The following MAPK10 variants were observed in gnomAD, a reference collection of about 807,000 sequenced individuals.
MAPK10 encodes mitogen-activated protein kinase 10.
MAPK10 carries 25 observed loss-of-function variants against 59.3 expected under a neutral mutation model. The observed-to-expected ratio is 0.42, with a 90% CI of 0.31 to 0.59. The LOEUF is 0.59. Among genes scored for constraint, MAPK10 ranks in the 20% least tolerant of loss-of-function variants. MAPK10 has a pLI of 0.15. For missense variants in MAPK10, 351 were observed against 568.9 expected (o/e 0.62, Z 3.90); for synonymous variants, 190 against 200.5 (o/e 0.95, Z 0.44).
intron 2 of MAPK10, among the ~76,000 whole-genome samples, chr4:86,248,698 C>T (rs891765892): frequency 3.3e-5 from 5 of 152,300 alleles, no homozygotes; most frequent in South Asian, 2.1e-4. Context: ...TCGGGATATA[C>T]GATCTCCTTC....
intron 1 of MAPK10, among the ~76,000 whole-genome samples, chr4:86,392,924 T>C (rs1048240146): frequency 3.3e-5 from 5 of 152,360 alleles, no homozygotes; most frequent in Middle Eastern, 3.4e-3. Context: ...GTTTGCTCTA[T>C]GATAAGCTGC....
intron 2 of MAPK10, among the ~76,000 whole-genome samples, chr4:86,329,245 A>C (rs1269511069): frequency 1.3e-5 from 2 of 152,260 alleles, no homozygotes; most frequent in Admixed American, 6.5e-5. Context: ...GACAAACATC[A>C]ATATTTATTT....
intron 1 of MAPK10, chr4:86,357,954 T>A (rs1268682487): frequency 8.5e-6 from 3 of 354,572 alleles, no homozygotes; most frequent in African/African-American, 6.7e-5. Flanking sequence ...ACCACCTTTG[T>A]CATCTGATTT....
intron 2 of MAPK10, among the ~76,000 whole-genome samples, chr4:86,201,528 G>A (rs2082619934): frequency 6.6e-6 from 1 of 151,798 alleles, no homozygotes. Flanking sequence ...GTGGACTGTG[G>A]ATGGAGAGAA....
At chr4:86,539,969 T>C (rs1297883784) in intron 1 of MAPK10, among the ~76,000 whole-genome samples, 1 of 152,204 alleles carries the variant, frequency 6.6e-6, no homozygotes, top group Non-Finnish European at 1.5e-5. Flanking sequence ...ATCTTGGTAG[T>C]AGAAAACATA....
chr4:86,074,824 A>G (rs1418730875), intron 9 of MAPK10, among the ~76,000 whole-genome samples: 6 of 117,814 alleles, frequency 5.1e-5, no homozygotes, highest in African/African-American at 7.3e-5. Flanking sequence ...GCTGCCCTTA[A>G]CATTTTTTCC....
At chr4:86,464,548 G>A (rs1374560761) in intron 1 of MAPK10, among the ~76,000 whole-genome samples, 1 of 151,940 alleles carries the variant, frequency 6.6e-6, no homozygotes, top group Non-Finnish European at 1.5e-5. Flanking sequence ...TTTGCTGGGT[G>A]CAGTGGCTCA....
At chr4:86,209,536 G>A (rs961081041) in intron 2 of MAPK10, among the ~76,000 whole-genome samples, 5 of 152,042 alleles carry the variant, frequency 3.3e-5, no homozygotes, top group East Asian at 1.9e-4. Context: ...AACAGCAAAC[G>A]ATGGGATAGA....
chr4:86,182,119 T>C (rs2077047996), intron 3 of MAPK10, among the ~76,000 whole-genome samples: 1 of 152,212 alleles, frequency 6.6e-6, no homozygotes, highest in Non-Finnish European at 1.5e-5. Context: ...AGATTATTCT[T>C]TTATTGTCCA....
intron 1 of MAPK10, among the ~76,000 whole-genome samples, chr4:86,536,776 C>T (rs983799116): frequency 2.0e-5 from 3 of 151,988 alleles, no homozygotes; most frequent in East Asian, 1.9e-4. Flanking sequence ...TAAATCATAC[C>T]GCATTCCCAT....
intron 4 of MAPK10, among the ~76,000 whole-genome samples, chr4:86,110,055 T>G (rs2057225431): frequency 6.6e-6 from 1 of 152,152 alleles, no homozygotes; most frequent in Admixed American, 6.6e-5. Context: ...TCATGTCCTC[T>G]GCCCCCTTTA....
At chr4:86,024,781 T>A (rs1006216152) in intron 13 of MAPK10, 2 of 152,234 alleles carry the variant, frequency 1.3e-5, no homozygotes, top group Non-Finnish European at 2.9e-5. Flanking sequence ...CTTTTGTTCA[T>A]CAGCAGCTTC....
At chr4:86,278,348 T>G (rs981964433) in intron 2 of MAPK10, among the ~76,000 whole-genome samples, 1 of 152,170 alleles carries the variant, frequency 6.6e-6, no homozygotes, top group Admixed American at 6.6e-5. Flanking sequence ...GGCTATGGAG[T>G]CTACTCCAAA....
chr4:86,381,026 C>CA (rs1326139425), intron 1 of MAPK10, among the ~76,000 whole-genome samples: 4 of 152,158 alleles, frequency 2.6e-5, no homozygotes, highest in Non-Finnish European at 5.9e-5. Flanking sequence ...ACTCTAGAGT[C>CA]AGGAGCCAAA....
upstream of MAPK10, among the ~76,000 whole-genome samples, chr4:86,455,848 A>C (rs940433785): frequency 2.6e-5 from 4 of 152,194 alleles, 1 homozygote; most frequent in Admixed American, 2.6e-4. Flanking sequence ...ACAAATGCAG[A>C]ATATACATTC....
intron 2 of MAPK10, among the ~76,000 whole-genome samples, chr4:86,212,970 A>T (rs2086278582): frequency 6.6e-6 from 1 of 152,200 alleles, no homozygotes; most frequent in Non-Finnish European, 1.5e-5. Context: ...AGAATAGGCC[A>T]TATGTTAGTC....
intron 2 of MAPK10, among the ~76,000 whole-genome samples, chr4:86,302,931 T>G (rs949791330): frequency 6.6e-6 from 1 of 152,218 alleles, no homozygotes; most frequent in Non-Finnish European, 1.5e-5. Flanking sequence ...GCCACATTTA[T>G]TTTAAATTTC....
chr4:86,568,343 C>G (rs1042256453), intron 1 of MAPK10, among the ~76,000 whole-genome samples: 1 of 151,980 alleles, frequency 6.6e-6, no homozygotes, highest in African/African-American at 2.4e-5. Flanking sequence ...TTAGAGGAAT[C>G]AAATCATTAA....
intron 1 of MAPK10, among the ~76,000 whole-genome samples, chr4:86,385,686 A>G (rs1185504800): frequency 1.3e-5 from 2 of 152,208 alleles, no homozygotes; most frequent in African/African-American, 4.8e-5. Flanking sequence ...CACAGAATGA[A>G]TACGATTAGC....
Sources: allele counts gnomAD v4.1 joint callset (sites outside exome capture counted in the v4.1 genomes callset), GRCh38; gene constraint gnomAD v4.1.1; transcripts MANE v1.5; gene names NCBI Gene and HGNC (gene_info 2026-07-23, HGNC 2026-07-21).